Variants in PARD3B observed in about 807,000 individuals in gnomAD.
The protein encoded by PARD3B is par-3 family cell polarity regulator beta.
In PARD3B, 103 loss-of-function variants were observed where a neutral mutation model predicts 130.2. The ratio of observed to expected loss-of-function variants is 0.79; its 90% confidence interval spans 0.67 to 0.93. The LOEUF is 0.93. Among genes scored for constraint, PARD3B ranks in the 40% least tolerant of loss-of-function variants. PARD3B has a pLI of 0.00. For missense variants in PARD3B, 1,609 were observed against 1,499.2 expected, an observed-to-expected ratio of 1.07 and a Z score of -1.21; for synonymous variants, 583 against 553.2, an observed-to-expected ratio of 1.05 and a Z score of -0.76.
chr2:205,248,616 T>C (rs958844710), intron 16 of PARD3B, among the ~76,000 whole-genome samples: 5 of 141,254 alleles, frequency 3.5e-5, no homozygotes, highest in Non-Finnish European at 7.7e-5. Flanking sequence ...TTTTTTTTTT[T>C]TTTTTTTTTT....
At chr2:204,559,108 A>G (rs1013468542) in intron 1 of PARD3B, among the ~76,000 whole-genome samples, 1 of 152,216 alleles carries the variant, frequency 6.6e-6, no homozygotes, top group Non-Finnish European at 1.5e-5. Flanking sequence ...AACCTAGGCA[A>G]TACCATTCAG....
At chr2:205,596,123 A>C (rs889568916) in intron 22 of PARD3B, among the ~76,000 whole-genome samples, 3 of 152,146 alleles carry the variant, frequency 2.0e-5, no homozygotes, top group African/African-American at 7.2e-5. Flanking sequence ...TTTCAATAAA[A>C]GAAGATTTGA....
In PARD3B at chr2:205,015,857, C is replaced by G. The variant is rs1004968237; in HGVS notation, c.395-31724C>G. ...GAAAGAATGGGTTTATTTTCCTGAT[C>G]GTGAGCCTTATTATGTAAGCTTGCT... On this transcript the variant is annotated intron_variant, in intron 3 of 22. Transcript: ENST00000406610. The surrounding 1 kb of genome is among the most constrained non-coding windows in gnomAD (Gnocchi z 4.5). 6.6e-6 allele frequency among the ~76,000 whole-genome samples: 1 copy of G among 152,120 alleles called. No individual in the cohort carries two copies. Among genetic ancestry groups the G allele is most frequent in the African/African-American group, 2.4e-5 (1 of 41,418 alleles).
chr2:205,614,888 G>A (rs2055366364), intron 22 of PARD3B, among the ~76,000 whole-genome samples: 1 of 152,006 alleles, frequency 6.6e-6, no homozygotes, highest in South Asian at 2.1e-4. Context: ...ATTTAGAAAA[G>A]CGAGTGCAGT....
intron 2 of PARD3B, among the ~76,000 whole-genome samples, chr2:204,825,887 G>T (rs370863072): frequency 6.6e-6 from 1 of 152,066 alleles, no homozygotes; most frequent in African/African-American, 2.4e-5. Context: ...CTAGATTTTC[G>T]TTGTTTTGGT....
At chr2:205,126,982 T>C (rs1003445883) in intron 10 of PARD3B, among the ~76,000 whole-genome samples, 3 of 151,836 alleles carry the variant, frequency 2.0e-5, no homozygotes, top group Admixed American at 6.6e-5. Context: ...TTATTGAAAT[T>C]GTGCTTTTAA....
At chr2:204,984,307 A>G (rs1440593210) in intron 3 of PARD3B, among the ~76,000 whole-genome samples, 1 of 152,158 alleles carries the variant, frequency 6.6e-6, no homozygotes, top group Non-Finnish European at 1.5e-5. Flanking sequence ...AGTTGAGACT[A>G]ATCAAAATAG....
At chr2:205,041,996 A>AGAGG (rs1366859699) in intron 3 of PARD3B, among the ~76,000 whole-genome samples, 1 of 152,120 alleles carries the variant, frequency 6.6e-6, no homozygotes, top group Admixed American at 6.6e-5. Flanking sequence ...ACTGAGAGGG[A>AGAGG]GAGGGAGAGT....
chr2:205,226,190 T>C (rs559572261), intron 15 of PARD3B, among the ~76,000 whole-genome samples: 53 of 152,212 alleles, frequency 3.5e-4, no homozygotes, highest in Non-Finnish European at 6.6e-4. Context: ...TACAGGTGCC[T>C]GCCACCACGC....
chr2:205,540,529 G>A (rs184358385), intron 21 of PARD3B, among the ~76,000 whole-genome samples: 245 of 152,148 alleles, frequency 1.6e-3, no homozygotes, highest in African/African-American at 4.7e-3. Flanking sequence ...TGAGCCCTTC[G>A]GACAGGTTTT....
rs565942337 is a variant in PARD3B, at chr2:205,060,756, G to T, written c.504+13066G>T. On this transcript the variant is annotated intron_variant, in intron 4 of 22. Coordinates refer to ENST00000406610, the MANE Select transcript of PARD3B (RefSeq NM_001302769.2). ...GTGTTAAATATAATTAAAGGGAAAT[G>T]ATTTAAATTAATATGCATACATATA... is the stretch of plus-strand genomic sequence containing the variant. 2.6e-5 allele frequency among the ~76,000 whole-genome samples: 4 copies of T among 152,196 alleles called. No individual in the cohort carries two copies. In the South Asian group the frequency reaches 6.2e-4, roughly 24 times the overall value.
intron 15 of PARD3B, among the ~76,000 whole-genome samples, chr2:205,198,636 G>C (rs1364183922): frequency 6.6e-6 from 1 of 152,006 alleles, no homozygotes; most frequent in East Asian, 1.9e-4. Flanking sequence ...TTTTATATAT[G>C]TCAGATATTC....
At chr2:205,599,899 C>T (rs78026669) in intron 22 of PARD3B, among the ~76,000 whole-genome samples, 1 of 152,092 alleles carries the variant, frequency 6.6e-6, no homozygotes, top group Non-Finnish European at 1.5e-5. Flanking sequence ...CAGAGTAGGC[C>T]CAGTTTGGGC....
At chr2:205,025,968 T>C (rs1427283211) in intron 3 of PARD3B, among the ~76,000 whole-genome samples, 1 of 152,190 alleles carries the variant, frequency 6.6e-6, no homozygotes, top group East Asian at 1.9e-4. Flanking sequence ...CTGTTCCTTT[T>C]TGAACTTAAC....
chr2:205,148,603 G>C (rs1350803380), intron 10 of PARD3B, among the ~76,000 whole-genome samples: 1 of 152,110 alleles, frequency 6.6e-6, no homozygotes, highest in Non-Finnish European at 1.5e-5. Flanking sequence ...TGTAACAAAA[G>C]TTTTGTCACC....
intron 1 of PARD3B, among the ~76,000 whole-genome samples, chr2:204,559,384 G>T (rs1233447652): frequency 6.6e-6 from 1 of 152,202 alleles, no homozygotes. Flanking sequence ...CAAAGGTTAT[G>T]AACAGACACC....
At chr2:205,495,101 G>A (rs935957891) in intron 20 of PARD3B, among the ~76,000 whole-genome samples, 5 of 152,112 alleles carry the variant, frequency 3.3e-5, no homozygotes, top group Non-Finnish European at 7.4e-5. Context: ...TTAGTGTGAT[G>A]TTTATGACAT....
At chr2:204,760,830 A>C (rs1395909907) in intron 2 of PARD3B, among the ~76,000 whole-genome samples, 2 of 152,192 alleles carry the variant, frequency 1.3e-5, no homozygotes, top group Admixed American at 1.3e-4. Flanking sequence ...CATTAATTCA[A>C]GTGAAGTAGT....
intron 3 of PARD3B, among the ~76,000 whole-genome samples, chr2:205,010,866 A>G (rs938138364): frequency 1.1e-4 from 17 of 152,142 alleles, no homozygotes; most frequent in African/African-American, 4.1e-4. Flanking sequence ...TGTCTTCAAT[A>G]TTTAATATCA....
Sources: gnomAD v4.1 joint callset for allele counts (sites outside exome capture counted in the v4.1 genomes callset) on GRCh38, gnomAD v4.1.1 for gene constraint, Gnocchi (gnomAD v3.1) non-coding constraint, MANE v1.5 for transcripts, NCBI Gene and HGNC (gene_info 2026-07-23, HGNC 2026-07-21) for gene names.